Variants in KCNIP4 observed in about 807,000 individuals in gnomAD.
The protein encoded by KCNIP4 is Kv channel-interacting protein 4.
KCNIP4 carries 12 observed loss-of-function variants against 34.0 expected under a neutral mutation model. The observed-to-expected ratio is 0.35, with a 90% CI of 0.23 to 0.57. KCNIP4 has a LOEUF of 0.57. Ranked by LOEUF, KCNIP4 falls within the 20% of genes least tolerant of loss-of-function variation. The pLI is 0.83. For missense variants in KCNIP4, 238 were observed against 311.7 expected (o/e 0.76, Z 1.78); for synonymous variants, 124 against 102.2 (o/e 1.21, Z -1.29).
At chr4:20,779,580 C>T (rs1175085636) in intron 3 of KCNIP4, among the ~76,000 whole-genome samples, 1 of 131,218 alleles carries the variant, frequency 7.6e-6, no homozygotes, top group Admixed American at 8.0e-5. Context: ...CCCACAACCC[C>T]CCCCCCCCAC....
chr4:20,846,601 T>C (rs1720414549), intron 3 of KCNIP4, among the ~76,000 whole-genome samples: 1 of 152,092 alleles, frequency 6.6e-6, no homozygotes. Context: ...ATCATCCCAG[T>C]TAACTGAATA....
intron 1 of KCNIP4, among the ~76,000 whole-genome samples, chr4:21,106,767 G>A (rs1342462634): frequency 8.6e-5 from 13 of 151,360 alleles, no homozygotes; most frequent in African/African-American, 3.2e-4. Context: ...ACACTGCTTT[G>A]AATGTGTCCC....
At chr4:21,753,696 C>T (rs1389558065) in intron 1 of KCNIP4, among the ~76,000 whole-genome samples, 4 of 152,094 alleles carry the variant, frequency 2.6e-5, no homozygotes, top group Non-Finnish European at 4.4e-5. Context: ...GACTCGTCTT[C>T]GAATCTCAAG....
intron 1 of KCNIP4, among the ~76,000 whole-genome samples, chr4:21,516,308 C>A (rs917614231): frequency 6.6e-6 from 1 of 152,142 alleles, no homozygotes; most frequent in African/African-American, 2.4e-5. Context: ...AGTCAATGTA[C>A]AAAGTAATCC....
intron 1 of KCNIP4, among the ~76,000 whole-genome samples, chr4:21,221,986 T>A (rs1468822250): frequency 6.6e-6 from 1 of 152,184 alleles, no homozygotes; most frequent in African/African-American, 2.4e-5. Context: ...CTGACCAGTA[T>A]TTAGACACAT....
intron 1 of KCNIP4, among the ~76,000 whole-genome samples, chr4:21,873,733 A>AAAATAAGT: frequency 6.6e-6 from 1 of 152,248 alleles, no homozygotes. Flanking sequence ...TCCCGGTTAC[A>AAAATAAGT]AAATAAGTCC....
chr4:21,400,112 A>C (rs533788080), intron 1 of KCNIP4, among the ~76,000 whole-genome samples: 1 of 152,274 alleles, frequency 6.6e-6, no homozygotes, highest in East Asian at 1.9e-4. Context: ...CCAGTAAGGA[A>C]AGAGGTAGAA....
At chr4:21,821,105 T>C (rs1022173753) in intron 1 of KCNIP4, among the ~76,000 whole-genome samples, 3 of 152,164 alleles carry the variant, frequency 2.0e-5, no homozygotes, top group Non-Finnish European at 4.4e-5. Flanking sequence ...GTGTTAGCAA[T>C]TGTTAGCTAG....
intron 1 of KCNIP4, among the ~76,000 whole-genome samples, chr4:21,698,483 C>T (rs1434262565): frequency 6.6e-6 from 1 of 152,126 alleles, no homozygotes; most frequent in Middle Eastern, 3.2e-3. Flanking sequence ...CAAGGATTTG[C>T]AATTTTCACA....
rs114136665 is a variant in KCNIP4 at position 20,797,127 on chromosome 4, G to A, written c.289-38237C>T. Among the ~76,000 whole-genome samples, 206 of 152,290 alleles carry A rather than the reference G, an allele frequency of 1.4e-3. 1 individual carries two copies. The highest frequency in any genetic ancestry group is 4.7e-3 in the African/African-American group (196 of 41,572). ...AAGTGTCACCAGACTTTTCTAAGGG[G>A]ATATTTTCTGTTTTTGTCTACATTT... On this transcript the variant is annotated intron_variant, in intron 3 of 8. Coordinates refer to ENST00000382152, the MANE Select transcript of KCNIP4 (RefSeq NM_025221.6).
At chr4:20,876,385 A>G (rs1281876892) in intron 2 of KCNIP4, among the ~76,000 whole-genome samples, 1 of 152,150 alleles carries the variant, frequency 6.6e-6, no homozygotes, top group African/African-American at 2.4e-5. Context: ...CAGAGACTTG[A>G]CAGCATTTAT....
Position 21,556,930 on chromosome 4 carries a change from A to AAAAAAAAAAAAAAAAAAAC in KCNIP4, c.61+391640_61+391641insGTTTTTTTTTTTTTTTTTT, listed in dbSNP as rs1553903108. Among the ~76,000 whole-genome samples, 279 of 108,124 alleles carry AAAAAAAAAAAAAAAAAAAC rather than the reference A, an allele frequency of 2.6e-3. 9 individuals are homozygous for AAAAAAAAAAAAAAAAAAAC. Among genetic ancestry groups the AAAAAAAAAAAAAAAAAAAC allele is most frequent in the African/African-American group, 5.0e-3 (156 of 31,066 alleles). 70.9% of individuals were successfully genotyped at this position (108,124 alleles called of 152,430 possible). A position where few individuals can be genotyped will look rare whatever the true frequency, so the allele number is the denominator to read the frequency against. On this transcript the variant is annotated intron_variant, in intron 1 of 8. Transcript: ENST00000382152. ...AGCAAGACTCCATCTCAGAAAAAAA[A>AAAAAAAAAAAAAAAAAAAC]AAAAAAAAAAAAACCAGAAAACAAA...
intron 1 of KCNIP4, among the ~76,000 whole-genome samples, chr4:21,561,692 A>AT (rs1489528692): frequency 3.9e-5 from 6 of 151,990 alleles, no homozygotes; most frequent in Non-Finnish European, 7.4e-5. Flanking sequence ...AGGCAATTAA[A>AT]TTACTTACCA....
In KCNIP4 at chr4:21,754,836, G is replaced by A. The variant is rs78206332; in HGVS notation, c.61+193735C>T. ...AAAATTTAGGACAGTTTTATCTTGTGCAGAGTTAACATAAAAATATGTGCT... is the reference window on the plus strand; with the variant it reads ...AAAATTTAGGACAGTTTTATCTTGTACAGAGTTAACATAAAAATATGTGCT... On this transcript the variant is annotated intron_variant, in intron 1 of 8. Coordinates refer to ENST00000382152, the MANE Select transcript of KCNIP4 (RefSeq NM_025221.6). Among the ~76,000 whole-genome samples, 1,333 of 152,258 alleles carry A rather than the reference G, an allele frequency of 8.8e-3. 19 individuals are homozygous for A. The highest frequency in any genetic ancestry group is 0.039 in the South Asian group (188 of 4,826).
At chr4:21,138,394 T>C (rs1751674744) in intron 1 of KCNIP4, among the ~76,000 whole-genome samples, 1 of 152,228 alleles carries the variant, frequency 6.6e-6, no homozygotes, top group Admixed American at 6.5e-5. Flanking sequence ...TTTTTCATGC[T>C]GTGGTCTTTC....
intron 1 of KCNIP4, among the ~76,000 whole-genome samples, chr4:21,157,172 A>G (rs576371231): frequency 6.6e-6 from 1 of 152,296 alleles, no homozygotes; most frequent in South Asian, 2.1e-4. Context: ...AATATTAGAA[A>G]TAATGCTGGA....
At chr4:20,889,389 A>G (rs1241778217) in intron 1 of KCNIP4, among the ~76,000 whole-genome samples, 1 of 152,064 alleles carries the variant, frequency 6.6e-6, no homozygotes, top group African/African-American at 2.4e-5. Context: ...TAATTATCTA[A>G]GGTATTTGTT....
chr4:21,940,585 T>C (rs920777920), intron 1 of KCNIP4, among the ~76,000 whole-genome samples: 7 of 152,134 alleles, frequency 4.6e-5, no homozygotes, highest in Non-Finnish European at 1.0e-4. Context: ...TACTAAGTAG[T>C]TTCTTTGTAA....
intron 1 of KCNIP4, among the ~76,000 whole-genome samples, chr4:21,870,629 C>T (rs1725731837): frequency 6.6e-6 from 1 of 152,212 alleles, no homozygotes; most frequent in African/African-American, 2.4e-5. Flanking sequence ...GCCATCTCTC[C>T]CTTTGAGCAG....
Sources: gnomAD v4.1 joint callset for allele counts (sites outside exome capture counted in the v4.1 genomes callset) on GRCh38, gnomAD v4.1.1 for gene constraint, MANE v1.5 for transcripts, NCBI Gene and HGNC (gene_info 2026-07-23, HGNC 2026-07-21) for gene names.